The following SRGAP3 variants were observed in gnomAD, a reference collection of about 807,000 sequenced individuals.
SRGAP3 encodes the protein SLIT-ROBO Rho GTPase activating protein 3, also known as SLIT-ROBO Rho GTPase-activating protein 3.
In SRGAP3, 39 loss-of-function variants were observed where a neutral mutation model predicts 121.1. The observed-to-expected ratio is 0.32, with a 90% confidence interval of 0.25 to 0.42. The LOEUF (loss-of-function observed/expected upper bound fraction) is 0.42, where lower values mean the gene tolerates loss of function less well. Among genes scored for constraint, SRGAP3 ranks in the 10% least tolerant of loss-of-function variants. SRGAP3 has a pLI of 1.00. For missense variants in SRGAP3, 1,213 were observed against 1,470.6 expected (o/e 0.82, Z 2.86); for synonymous variants, 601 against 570.0 (o/e 1.05, Z -0.77).
chr3:9,051,639 G>T (rs918668041), intron 9 of SRGAP3, among the ~76,000 whole-genome samples: 1 of 149,436 alleles, frequency 6.7e-6, no homozygotes, highest in Non-Finnish European at 1.5e-5. Flanking sequence ...AATAATAAAA[G>T]AATATGATCT....
At chr3:9,013,661 G>A (rs963036259) in intron 16 of SRGAP3, 76 bp downstream of exon 16, 14 of 1,571,486 alleles carry the variant, frequency 8.9e-6, no homozygotes, top group African/African-American at 2.7e-5. Context: ...AACAGCATCT[G>A]CAAAAGCCTC....
intron 3 of SRGAP3, among the ~76,000 whole-genome samples, chr3:9,255,953 G>A (rs1271983260): frequency 6.6e-6 from 1 of 152,084 alleles, no homozygotes; most frequent in African/African-American, 2.4e-5. Context: ...AGCATCCCAT[G>A]GCTCACAACA....
chr3:8,991,458 T>C (rs1282491943), intron 20 of SRGAP3, among the ~76,000 whole-genome samples: 2 of 152,192 alleles, frequency 1.3e-5, no homozygotes, highest in African/African-American at 4.8e-5. Flanking sequence ...ATTTGGTACC[T>C]TTCCCACTTC....
chr3:9,261,639 A>C (rs1954257765), intron 3 of SRGAP3, among the ~76,000 whole-genome samples: 1 of 148,374 alleles, frequency 6.7e-6, no homozygotes, highest in East Asian at 1.9e-4. Context: ...GCATGAAGAC[A>C]AGATTAGAGA....
chr3:9,224,643 C>CA (rs1379604450), intron 1 of SRGAP3, among the ~76,000 whole-genome samples: 9 of 152,158 alleles, frequency 5.9e-5, no homozygotes, highest in African/African-American at 2.2e-4. Flanking sequence ...AAGGGAAACT[C>CA]AAAGGATGAC....
chr3:9,189,801 G>A (rs1187292753), intron 1 of SRGAP3, among the ~76,000 whole-genome samples: 1 of 152,148 alleles, frequency 6.6e-6, no homozygotes, highest in Non-Finnish European at 1.5e-5. Flanking sequence ...AGGCCTTAAA[G>A]GAAGAACTGA....
At chr3:9,341,173 TAG>T (rs1955782332) in intron 1 of SRGAP3, among the ~76,000 whole-genome samples, 1 of 152,106 alleles carries the variant, frequency 6.6e-6, no homozygotes, top group Non-Finnish European at 1.5e-5. Context: ...TCGCTCCAGA[TAG>T]AGTCACATAG....
At position 9,324,560 on chromosome 3, in the gene SRGAP3, C is replaced by T. The variant is rs1170549586; in HGVS notation, n.442+1450G>A. Among the ~76,000 whole-genome samples the T allele has an allele frequency of 4.6e-5, 7 of 151,896 alleles. 1 individual carries two copies. Among genetic ancestry groups the T allele is most frequent in the Non-Finnish European group, 8.8e-5 (6 of 68,008 alleles). On this transcript the variant is annotated intron_variant and non_coding_transcript_variant, in intron 3 of 3. Transcript: ENST00000490889. ...TTAAAGCCTTAGTTTGATTATGTCA[C>T]ATTTAACACGAGTGACTTCATTTTA...
At chr3:9,104,940 G>A in intron 2 of SRGAP3, 98 bp from the exon 3 acceptor site, 2 of 1,445,182 alleles carry the variant, frequency 1.4e-6, no homozygotes, top group South Asian at 2.3e-5. Flanking sequence ...CCTCCACGGT[G>A]CCCCTTCAAG....
chr3:9,260,325 C>G (rs574706998), intron 3 of SRGAP3, among the ~76,000 whole-genome samples: 8 of 152,240 alleles, frequency 5.3e-5, no homozygotes, highest in African/African-American at 1.9e-4. Flanking sequence ...GGAAAGGGGG[C>G]TGAAGACAGG....
intron 9 of SRGAP3, among the ~76,000 whole-genome samples, chr3:9,050,759 AC>A (rs913696055): frequency 6.6e-6 from 1 of 152,218 alleles, no homozygotes; most frequent in Non-Finnish European, 1.5e-5. Context: ...TGTTGTAACC[AC>A]AAATTCTCTT....
intron 20 of SRGAP3, 92 bp downstream of exon 20, chr3:8,992,814 C>T: frequency 1.2e-6 from 2 of 1,605,782 alleles, no homozygotes; most frequent in Non-Finnish European, 1.7e-6. Flanking sequence ...CTGCAGTAGG[C>T]TCCTTCTCTC....
At chr3:9,029,850 G>A (rs933796139) in intron 12 of SRGAP3, among the ~76,000 whole-genome samples, 5 of 152,184 alleles carry the variant, frequency 3.3e-5, no homozygotes, top group South Asian at 2.1e-4. Context: ...ATAAAGCAAC[G>A]CAATAGTAAG....
intron 3 of SRGAP3, among the ~76,000 whole-genome samples, chr3:9,324,912 G>A (rs149147487): frequency 0.02 from 3,010 of 151,270 alleles, 101 homozygotes; most frequent in African/African-American, 0.068. Context: ...AGCCGAGATC[G>A]CGCCACTGCA....
At chr3:9,066,295 T>C (rs6787607) in intron 4 of SRGAP3, among the ~76,000 whole-genome samples, 24,438 of 152,106 alleles carry the variant, frequency 0.16, 2,551 homozygotes, top group African/African-American at 0.3. Flanking sequence ...CCATGGCTCC[T>C]GGGCCTTGTT....
intron 18 of SRGAP3, among the ~76,000 whole-genome samples, chr3:9,006,491 C>CA (rs1306295745): frequency 6.8e-6 from 1 of 146,926 alleles, no homozygotes; most frequent in Non-Finnish European, 1.5e-5. Context: ...TTAATACCAT[C>CA]AAAAACCTCA....
At chr3:9,194,114 G>A (rs942313013) in intron 1 of SRGAP3, 4 of 152,250 alleles carry the variant, frequency 2.6e-5, no homozygotes, top group Admixed American at 2.0e-4. Flanking sequence ...AACTGAGACT[G>A]AGCAAGACAG....
At position 9,214,314 on chromosome 3, in the gene SRGAP3, C is replaced by T. The variant is rs543868985; in HGVS notation, c.67+34571G>A. ...TCATTGCCTTATTTAACAATAGAAA[C>T]AGTCATATGGGGCAGGTAGCATAAC... On this transcript the variant is annotated intron_variant, in intron 1 of 21. Coordinates refer to ENST00000383836, the MANE Select transcript of SRGAP3 (RefSeq NM_014850.4). Among the ~76,000 whole-genome samples, 91 of 152,262 alleles carry T rather than the reference C, an allele frequency of 6.0e-4. 1 individual carries two copies. The highest frequency in any genetic ancestry group is 2.0e-3 in the African/African-American group (84 of 41,534).
intron 5 of SRGAP3, among the ~76,000 whole-genome samples, chr3:9,060,827 T>C (rs1946128579): frequency 2.0e-5 from 3 of 151,824 alleles, no homozygotes; most frequent in Middle Eastern, 3.4e-3. Context: ...GCTAGATGAG[T>C]AAGGGCTGGA....
Sources: gnomAD v4.1 joint callset for allele counts (sites outside exome capture counted in the v4.1 genomes callset) on GRCh38, gnomAD v4.1.1 for gene constraint, MANE v1.5 for transcripts, NCBI Gene and HGNC (gene_info 2026-07-23, HGNC 2026-07-21) for gene names.